The following CACNA2D3 variants were observed in gnomAD, a reference collection of about 807,000 sequenced individuals.
The protein encoded by CACNA2D3 is calcium voltage-gated channel auxiliary subunit alpha2delta 3, also known as voltage-dependent calcium channel subunit alpha-2/delta-3.
Under a neutral mutation model 160.6 loss-of-function variants are expected in CACNA2D3, and 60 were observed. The ratio of observed to expected loss-of-function variants is 0.37; its 90% CI spans 0.30 to 0.46. The LOEUF is 0.46. CACNA2D3 is among the 20% of genes least tolerant of loss of function. The pLI is 1.00. For synonymous variants in CACNA2D3, 558 were observed against 492.9 expected (o/e 1.13, Z -1.75); for missense variants, 1,205 against 1,365.0 (o/e 0.88, Z 1.85).
intron 2 of CACNA2D3, among the ~76,000 whole-genome samples, chr3:54,247,857 TCTGCC>T (rs1559895081): frequency 7.9e-5 from 12 of 152,076 alleles, no homozygotes; most frequent in Non-Finnish European, 1.3e-4. Context: ...TTGTCTCATA[TCTGCC>T]ATGCCTAGTA....
At chr3:54,636,283 A>G (rs919655121) in intron 10 of CACNA2D3, among the ~76,000 whole-genome samples, 7 of 151,932 alleles carry the variant, frequency 4.6e-5, no homozygotes, top group African/African-American at 1.7e-4. Context: ...AGAAGGAAAT[A>G]TGGGAAAATG....
At chr3:54,708,719 G>A (rs1049333948) in intron 11 of CACNA2D3, among the ~76,000 whole-genome samples, 3 of 152,170 alleles carry the variant, frequency 2.0e-5, no homozygotes, top group African/African-American at 7.2e-5. Flanking sequence ...CAAATCCTAG[G>A]CGGCTCCAGA....
At chr3:54,510,209 G>C (rs978485618) in intron 5 of CACNA2D3, among the ~76,000 whole-genome samples, 1 of 151,842 alleles carries the variant, frequency 6.6e-6, no homozygotes, top group African/African-American at 2.4e-5. Context: ...TGGGTAGGTG[G>C]GGGAATGGAT....
At chr3:54,333,974 C>T (rs1272695992) in intron 3 of CACNA2D3, among the ~76,000 whole-genome samples, 3 of 152,238 alleles carry the variant, frequency 2.0e-5, no homozygotes, top group African/African-American at 7.2e-5. Flanking sequence ...GCTCCCTTAA[C>T]CTGCTTCATT....
chr3:54,918,719 TCTCAGGAGGC>T (rs1700742078), intron 27 of CACNA2D3: 1 of 1,614,002 alleles, frequency 6.2e-7, no homozygotes, highest in Admixed American at 1.7e-5. Context: ...GCGTTGTGGT[TCTCAGGAGGC>T]CTCAGGACCA....
At chr3:54,234,381 A>T (rs186819961) in intron 2 of CACNA2D3, among the ~76,000 whole-genome samples, 1 of 152,240 alleles carries the variant, frequency 6.6e-6, no homozygotes, top group East Asian at 1.9e-4. Context: ...GGTTTTGGAG[A>T]AAAGGAAGCA....
chr3:54,656,867 A>G (rs1433360594), intron 11 of CACNA2D3, among the ~76,000 whole-genome samples: 1 of 152,138 alleles, frequency 6.6e-6, no homozygotes, highest in Non-Finnish European at 1.5e-5. Context: ...GTGCATGCGG[A>G]TGTATGTATA....
chr3:54,225,144 C>T (rs780897061), intron 2 of CACNA2D3, among the ~76,000 whole-genome samples: 26 of 151,994 alleles, frequency 1.7e-4, no homozygotes, highest in Non-Finnish European at 3.1e-4. Context: ...TGATGTTCCC[C>T]TTCCTGTGTC....
intron 2 of CACNA2D3, among the ~76,000 whole-genome samples, chr3:54,268,474 A>G (rs892825346): frequency 9.2e-5 from 14 of 152,118 alleles, no homozygotes; most frequent in African/African-American, 3.1e-4. Flanking sequence ...CAGTGGCGCA[A>G]TGTTGGCTCA....
chr3:54,694,331 C>T (rs1185676020), intron 11 of CACNA2D3, among the ~76,000 whole-genome samples: 4 of 152,200 alleles, frequency 2.6e-5, no homozygotes, highest in Non-Finnish European at 5.9e-5. Context: ...ATGCTATGTA[C>T]ACACTCTAGG....
At chr3:54,550,312 G>A (rs1036233867) in intron 5 of CACNA2D3, among the ~76,000 whole-genome samples, 3 of 152,180 alleles carry the variant, frequency 2.0e-5, no homozygotes, top group South Asian at 2.1e-4. Context: ...CACTGGCTGT[G>A]TGGTGTTTCC....
chr3:54,641,041 G>GA (rs1699507259), intron 10 of CACNA2D3, among the ~76,000 whole-genome samples: 10 of 143,684 alleles, frequency 7.0e-5, no homozygotes, highest in African/African-American at 2.8e-4. Context: ...TGGATCTATT[G>GA]GAAAAAAAAA....
intron 27 of CACNA2D3, among the ~76,000 whole-genome samples, chr3:54,931,096 A>G (rs2106956194): frequency 6.6e-6 from 1 of 152,234 alleles, no homozygotes; most frequent in South Asian, 2.1e-4. Flanking sequence ...ACTCCTTCTC[A>G]AAACAAAACA....
At chr3:54,549,590 G>A (rs2106681605) in intron 5 of CACNA2D3, among the ~76,000 whole-genome samples, 1 of 152,296 alleles carries the variant, frequency 6.6e-6, no homozygotes, top group South Asian at 2.1e-4. Flanking sequence ...GTAGTGACGT[G>A]TGATGCTGCT....
At chr3:54,218,446 C>T (rs372229941) in intron 2 of CACNA2D3, among the ~76,000 whole-genome samples, 2 of 152,192 alleles carry the variant, frequency 1.3e-5, no homozygotes, top group Non-Finnish European at 2.9e-5. Context: ...GTATTGAAAG[C>T]TGGCTTAAGT....
intron 2 of CACNA2D3, among the ~76,000 whole-genome samples, chr3:54,169,613 CAG>C (rs1700522520): frequency 6.6e-6 from 1 of 151,906 alleles, no homozygotes; most frequent in Non-Finnish European, 1.5e-5. Flanking sequence ...ATAAAGACAA[CAG>C]AGAACAGTGA....
At chr3:54,188,228 AAAACAAACAAACAAACAAAC>A (rs138439909) in intron 2 of CACNA2D3, among the ~76,000 whole-genome samples, 52 of 150,342 alleles carry the variant, frequency 3.5e-4, no homozygotes, top group African/African-American at 1.1e-3. Flanking sequence ...GGAGAACTTA[AAAACAAACAAACAAACAAAC>A]AAACAAACAA....
rs141982636 is a variant in CACNA2D3, at chr3:54,713,852, C to T, written c.1168-38747C>T. Among the ~76,000 whole-genome samples the T allele has an allele frequency of 4.7e-3, 712 of 152,280 alleles. 10 individuals carry two copies. The highest frequency in any genetic ancestry group is 0.016 in the African/African-American group (681 of 41,550). ...TACTCTCATGCAGTTAAATCTTAGCCTGAATGTTTATTCCATTAAACTTTC... is the reference window on the plus strand; with the variant it reads ...TACTCTCATGCAGTTAAATCTTAGCTTGAATGTTTATTCCATTAAACTTTC... On this transcript the variant is annotated intron_variant, in intron 11 of 37. Transcript: ENST00000474759.
intron 4 of CACNA2D3, among the ~76,000 whole-genome samples, chr3:54,454,789 C>T (rs1700368829): frequency 6.6e-6 from 1 of 152,102 alleles, no homozygotes; most frequent in Non-Finnish European, 1.5e-5. Flanking sequence ...TTATTCTACT[C>T]TCTGCTTATA....
Sources: allele counts gnomAD v4.1 joint callset (sites outside exome capture counted in the v4.1 genomes callset), GRCh38; gene constraint gnomAD v4.1.1; transcripts MANE v1.5; gene names NCBI Gene and HGNC (gene_info 2026-07-23, HGNC 2026-07-21).